Variants in MARCHF1 observed in about 807,000 individuals in gnomAD.
The protein encoded by MARCHF1 is E3 ubiquitin-protein ligase MARCHF1.
Under a neutral mutation model 54.2 loss-of-function variants are expected in MARCHF1, and 40 were observed. The observed-to-expected ratio is 0.74, with a 90% confidence interval of 0.57 to 0.96. The LOEUF is 0.96. MARCHF1 is among the 40% of genes least tolerant of loss of function. MARCHF1 has a pLI of 0.00. For synonymous variants in MARCHF1, 236 were observed against 236.3 expected (o/e 1.00, Z 0.01); for missense variants, 586 against 656.5 (o/e 0.89, Z 1.17).
intron 2 of MARCHF1, among the ~76,000 whole-genome samples, chr4:164,015,211 G>T (rs142168868): frequency 1.2e-3 from 177 of 152,224 alleles, no homozygotes; most frequent in African/African-American, 4.2e-3. Context: ...GTAAAGCACA[G>T]TATCTCCAAT....
At chr4:163,988,941 A>G (rs1241286835) in intron 2 of MARCHF1, 1 of 152,130 alleles carries the variant, frequency 6.6e-6, no homozygotes, top group Non-Finnish European at 1.5e-5. Flanking sequence ...TTCAATTTCT[A>G]TGGTACCTAA....
chr4:163,940,101 A>G (rs1319352864), intron 3 of MARCHF1, among the ~76,000 whole-genome samples: 2 of 152,246 alleles, frequency 1.3e-5, no homozygotes, highest in African/African-American at 4.8e-5. Context: ...CCATGTGATA[A>G]TACAATGATA....
intron 7 of MARCHF1, among the ~76,000 whole-genome samples, chr4:163,587,102 AGT>A (rs1445607817): frequency 1.3e-5 from 2 of 152,238 alleles, no homozygotes; most frequent in Non-Finnish European, 2.9e-5. Flanking sequence ...TATGAATTCT[AGT>A]TTCACAGATT....
intron 4 of MARCHF1, among the ~76,000 whole-genome samples, chr4:163,825,928 A>C (rs1243425506): frequency 6.6e-6 from 1 of 151,990 alleles, no homozygotes; most frequent in African/African-American, 2.4e-5. Context: ...GTACTTTCCT[A>C]TACCTACCCC....
chr4:163,789,248 G>C (rs1467115994), intron 4 of MARCHF1, among the ~76,000 whole-genome samples: 3 of 151,894 alleles, frequency 2.0e-5, no homozygotes, highest in Non-Finnish European at 4.4e-5. Context: ...AGAAATACAA[G>C]CGACTTAAAG....
chr4:163,673,831 G>A (rs1320134235), intron 5 of MARCHF1, among the ~76,000 whole-genome samples: 1 of 152,076 alleles, frequency 6.6e-6, no homozygotes, highest in Non-Finnish European at 1.5e-5. Flanking sequence ...AGGAAAAAAA[G>A]AAACCCCAAA....
chr4:163,951,733 A>G (rs902174060), intron 3 of MARCHF1, among the ~76,000 whole-genome samples: 2 of 152,222 alleles, frequency 1.3e-5, no homozygotes, highest in East Asian at 1.9e-4. Context: ...AGTTGACTTT[A>G]AAGATCTAGG....
intron 4 of MARCHF1, among the ~76,000 whole-genome samples, chr4:163,728,660 C>T (rs1404183585): frequency 6.6e-6 from 1 of 152,146 alleles, no homozygotes; most frequent in Non-Finnish European, 1.5e-5. Context: ...ATCCTGAAAC[C>T]TCACAATAAT....
chr4:163,628,993 T>G (rs1741973022), intron 5 of MARCHF1, among the ~76,000 whole-genome samples: 1 of 152,166 alleles, frequency 6.6e-6, no homozygotes, highest in Non-Finnish European at 1.5e-5. Context: ...ATTTATAGAT[T>G]CAATGCTATC....
intron 3 of MARCHF1, among the ~76,000 whole-genome samples, chr4:163,899,839 A>G (rs1750899737): frequency 2.0e-5 from 3 of 151,756 alleles, no homozygotes; most frequent in Admixed American, 1.3e-4. Context: ...AAATAACAAT[A>G]AAGTGGGTTT....
At chr4:164,357,567 A>G (rs1730598604) in intron 1 of MARCHF1, among the ~76,000 whole-genome samples, 1 of 152,202 alleles carries the variant, frequency 6.6e-6, no homozygotes, top group Non-Finnish European at 1.5e-5. Flanking sequence ...AGGAGGGTGT[A>G]ATTCAGTCTA....
intron 5 of MARCHF1, among the ~76,000 whole-genome samples, chr4:163,675,062 A>G (rs1743868157): frequency 6.6e-6 from 1 of 152,192 alleles, no homozygotes; most frequent in Non-Finnish European, 1.5e-5. Context: ...TGGATGCTAA[A>G]TAAGAGGAAA....
At chr4:164,097,641 C>T (rs1302047171) in intron 2 of MARCHF1, among the ~76,000 whole-genome samples, 1 of 152,050 alleles carries the variant, frequency 6.6e-6, no homozygotes, top group Non-Finnish European at 1.5e-5. Flanking sequence ...AAAATATTAA[C>T]AAACATTCTG....
intron 8 of MARCHF1, among the ~76,000 whole-genome samples, chr4:163,546,750 A>T (rs1337086548): frequency 6.6e-6 from 1 of 152,206 alleles, no homozygotes; most frequent in African/African-American, 2.4e-5. Flanking sequence ...CTCCTGAGAA[A>T]GTTGAGGGCT....
chr4:163,930,008 A>G (rs867741347), intron 3 of MARCHF1, among the ~76,000 whole-genome samples: 27 of 134,556 alleles, frequency 2.0e-4, no homozygotes, highest in African/African-American at 7.5e-4. Context: ...TTATATATAA[A>G]TATATTATAT....
At position 163,552,516 on chromosome 4, in the gene MARCHF1, A is replaced by G. The variant is rs149292595; in HGVS notation, c.1192-6773T>C. On this transcript the variant is annotated intron_variant, in intron 8 of 9. Transcript: ENST00000514618. ...CTAAGACCCTGAAATCAATGGCTTCATTTTGCTACCACTCAGTTTGAGTCT... is the reference window on the plus strand; with the variant it reads ...CTAAGACCCTGAAATCAATGGCTTCGTTTTGCTACCACTCAGTTTGAGTCT... Among the ~76,000 whole-genome samples the G allele has an allele frequency of 3.5e-3, 528 of 152,306 alleles. 2 individuals are homozygous for G. Among genetic ancestry groups the G allele is most frequent in the African/African-American group, 0.012 (508 of 41,566 alleles).
intron 1 of MARCHF1, among the ~76,000 whole-genome samples, chr4:164,302,987 C>T (rs1734602864): frequency 6.6e-6 from 1 of 151,434 alleles, no homozygotes; most frequent in African/African-American, 2.4e-5. Context: ...AGTATATTTT[C>T]ATGTTTACAA....
intron 1 of MARCHF1, among the ~76,000 whole-genome samples, chr4:164,362,563 CCAAGAAGTGGT>C (rs1451647746): frequency 1.3e-5 from 2 of 152,130 alleles, no homozygotes; most frequent in Middle Eastern, 3.4e-3. Context: ...CGTTTTACTA[CCAAGAAGTGGT>C]CAGAAATTTT....
chr4:163,586,458 T>C (rs1210687278), intron 7 of MARCHF1, among the ~76,000 whole-genome samples: 4 of 152,172 alleles, frequency 2.6e-5, no homozygotes, highest in Admixed American at 2.6e-4. Context: ...CTCCCAAAAT[T>C]GAAATTGGAA....
Sources: allele counts gnomAD v4.1 joint callset (sites outside exome capture counted in the v4.1 genomes callset), GRCh38; gene constraint gnomAD v4.1.1; transcripts MANE v1.5; gene names NCBI Gene and HGNC (gene_info 2026-07-23, HGNC 2026-07-21).